Variants in DSCAM observed in about 807,000 individuals in gnomAD.
DSCAM encodes the protein cell adhesion molecule DSCAM.
In DSCAM, 47 loss-of-function variants were observed where a neutral mutation model predicts 217.7. The observed-to-expected ratio is 0.22, with a 90% confidence interval of 0.17 to 0.28. The LOEUF (loss-of-function observed/expected upper bound fraction) is 0.28, where lower values mean the gene tolerates loss of function less well. Among genes scored for constraint, DSCAM ranks in the 10% least tolerant of loss-of-function variants. DSCAM has a pLI of 1.00. For missense variants in DSCAM, 2,080 were observed against 2,618.3 expected (o/e 0.79, Z 4.49); for synonymous variants, 1,056 against 1,015.3 (o/e 1.04, Z -0.76).
chr21:40,016,137 G>C lies in DSCAM; in HGVS notation c.5687-2751C>G, dbSNP rs1158763537. ...CCTGGAGCGAGGGCCCAGGGTAAAG[G>C]ATGTGCAGGGAGAGAGATATGATGA... On this transcript the variant is annotated intron_variant, in intron 32 of 32. Transcript: ENST00000400454. The surrounding 1 kb of genome is among the most constrained non-coding windows in gnomAD (Gnocchi z 4.3). Among the ~76,000 whole-genome samples, 1 of 152,190 alleles carries C rather than the reference G, an allele frequency of 6.6e-6. No homozygotes were observed. The highest frequency in any genetic ancestry group is 1.9e-4 in the East Asian group (1 of 5,182).
chr21:40,443,892 A>G (rs979246124), intron 3 of DSCAM, among the ~76,000 whole-genome samples: 4 of 152,208 alleles, frequency 2.6e-5, no homozygotes, highest in Non-Finnish European at 5.9e-5. Context: ...TACAAAGTTG[A>G]CAAACAGGCA....
intron 3 of DSCAM, among the ~76,000 whole-genome samples, chr21:40,412,316 G>C (rs1420184779): frequency 2.0e-5 from 3 of 152,210 alleles, no homozygotes; most frequent in Non-Finnish European, 4.4e-5. Context: ...AACAAGAAGA[G>C]GCTGGGAACA....
intron 6 of DSCAM, among the ~76,000 whole-genome samples, chr21:40,346,717 T>C (rs1397658714): frequency 6.6e-6 from 1 of 152,204 alleles, no homozygotes; most frequent in Admixed American, 6.5e-5. Context: ...CCTGTTATTA[T>C]ACCACAAAAT....
intron 28 of DSCAM, among the ~76,000 whole-genome samples, chr21:40,058,498 T>C (rs2146511539): frequency 6.6e-6 from 1 of 152,312 alleles, no homozygotes; most frequent in South Asian, 2.1e-4. Context: ...TGTGTCTCCC[T>C]AGAACTTAGA....
At chr21:40,089,307 C>G (rs769445639) in intron 21 of DSCAM, among the ~76,000 whole-genome samples, 6 of 152,230 alleles carry the variant, frequency 3.9e-5, no homozygotes, top group Non-Finnish European at 7.3e-5. Context: ...GTTCCCACCA[C>G]AGCCTTGTGG....
intron 3 of DSCAM, among the ~76,000 whole-genome samples, chr21:40,545,023 G>A (rs1188597198): frequency 6.6e-6 from 1 of 152,098 alleles, no homozygotes; most frequent in Non-Finnish European, 1.5e-5. Context: ...AGTAGGTGAG[G>A]GTATTAGGAG....
chr21:40,792,958 G>C (rs975950125), intron 1 of DSCAM, among the ~76,000 whole-genome samples: 1 of 152,054 alleles, frequency 6.6e-6, no homozygotes, highest in Non-Finnish European at 1.5e-5. Context: ...TGGGGAGGAG[G>C]GGAGCTGATT....
chr21:40,428,829 C>A (rs948753721), intron 3 of DSCAM, among the ~76,000 whole-genome samples: 5 of 145,466 alleles, frequency 3.4e-5, no homozygotes, highest in Non-Finnish European at 7.4e-5. Context: ...ATACAGCGAC[C>A]TAATACACAC....
At chr21:40,799,484 T>C (rs2091720068) in intron 1 of DSCAM, among the ~76,000 whole-genome samples, 1 of 152,188 alleles carries the variant, frequency 6.6e-6, no homozygotes, top group Non-Finnish European at 1.5e-5. Context: ...CTTTAAACAA[T>C]GCAGATTTAT....
chr21:40,734,893 A>C (rs1403071112), intron 1 of DSCAM, among the ~76,000 whole-genome samples: 1 of 152,242 alleles, frequency 6.6e-6, no homozygotes, highest in Non-Finnish European at 1.5e-5. Context: ...GTATTTATGT[A>C]GACAAACGTG....
chr21:40,082,215 C>A (rs748055181), intron 24 of DSCAM, among the ~76,000 whole-genome samples: 1 of 152,142 alleles, frequency 6.6e-6, no homozygotes, highest in Non-Finnish European at 1.5e-5. Context: ...AATCCCAGCA[C>A]GTTGGGAAGC....
intron 4 of DSCAM, among the ~76,000 whole-genome samples, chr21:40,356,935 T>C (rs2074699766): frequency 6.6e-6 from 1 of 152,222 alleles, no homozygotes; most frequent in Non-Finnish European, 1.5e-5. Flanking sequence ...TTTCTATTTC[T>C]TTTGTGATCA....
chr21:40,284,802 C>T (rs563917624), intron 10 of DSCAM, among the ~76,000 whole-genome samples: 10 of 152,180 alleles, frequency 6.6e-5, no homozygotes, highest in Non-Finnish European at 1.5e-4. Flanking sequence ...ACACACCACA[C>T]CATCCAGGTG....
At chr21:40,742,671 G>A (rs2091135674) in intron 1 of DSCAM, among the ~76,000 whole-genome samples, 1 of 152,302 alleles carries the variant, frequency 6.6e-6, no homozygotes, top group Non-Finnish European at 1.5e-5. Flanking sequence ...AAGCAGTTAA[G>A]GGCAGCTGAA....
intron 1 of DSCAM, among the ~76,000 whole-genome samples, chr21:40,798,980 T>C (rs1420575672): frequency 1.3e-5 from 2 of 152,174 alleles, no homozygotes; most frequent in Non-Finnish European, 2.9e-5. Context: ...GCCATTAAAA[T>C]GTTTTACTTC....
rs767459370 is a variant in DSCAM at position 40,187,118 on chromosome 21, G to A, written c.2779+13C>T. 5 of 1,611,906 alleles carry A rather than the reference G, an allele frequency of 3.1e-6. No homozygotes were observed. The highest frequency in any genetic ancestry group is 8.5e-7 in the Non-Finnish European group (1 of 1,179,104). ...TGAGGTGGAAGGGAAGCTGGAGGAAGTAAAGAACTTACCTGATTTATTTTT... is the reference window on the plus strand; with the variant it reads ...TGAGGTGGAAGGGAAGCTGGAGGAAATAAAGAACTTACCTGATTTATTTTT... On this transcript the variant is annotated intron_variant, in intron 14 of 32. Coordinates refer to ENST00000400454, the MANE Select transcript of DSCAM (RefSeq NM_001389.5).
At chr21:40,536,610 G>A (rs1055588209) in intron 3 of DSCAM, among the ~76,000 whole-genome samples, 15 of 152,064 alleles carry the variant, frequency 9.9e-5, no homozygotes, top group African/African-American at 3.4e-4. Context: ...GTTTCACCAT[G>A]TTAGCCAGGA....
At chr21:40,097,954 A>AAAAGAAAG (rs61675667) in intron 20 of DSCAM, among the ~76,000 whole-genome samples, 3,926 of 51,372 alleles carry the variant, frequency 0.076, 283 homozygotes, top group Non-Finnish European at 0.1. Flanking sequence ...AAAAAAAAAA[A>AAAAGAAAG]AAAGAAAGAA....
At chr21:40,757,639 T>C (rs1280886914) in intron 1 of DSCAM, among the ~76,000 whole-genome samples, 1 of 152,230 alleles carries the variant, frequency 6.6e-6, no homozygotes, top group Non-Finnish European at 1.5e-5. Context: ...GTAAAGAGCA[T>C]GTGCTGAGGC....
Sources: allele counts gnomAD v4.1 joint callset (sites outside exome capture counted in the v4.1 genomes callset), GRCh38; gene constraint gnomAD v4.1.1; non-coding constraint Gnocchi (gnomAD v3.1); transcripts MANE v1.5; gene names NCBI Gene and HGNC (gene_info 2026-07-23, HGNC 2026-07-21).